SEPSECS: variants seen among roughly 807,000 people sequenced by gnomAD.
SEPSECS encodes the protein Sep (O-phosphoserine) tRNA:Sec (selenocysteine) tRNA synthase, also known as O-phosphoseryl-tRNA(Sec) selenium transferase.
In SEPSECS, 42 loss-of-function variants were observed where a neutral mutation model predicts 52.1. The ratio of observed to expected loss-of-function variants is 0.81; its 90% CI spans 0.63 to 1.04. SEPSECS has a LOEUF of 1.04. Among genes scored for constraint, SEPSECS ranks in the 50% least tolerant of loss-of-function variants. SEPSECS has a pLI of 0.00. For missense variants in SEPSECS, 590 were observed against 610.6 expected, an observed-to-expected ratio of 0.97 and a Z score of 0.36; for synonymous variants, 216 against 211.4, an observed-to-expected ratio of 1.02 and a Z score of -0.19.
At chr4:25,131,590 C>T (rs186735854) in intron 8 of SEPSECS, among the ~76,000 whole-genome samples, 3 of 152,292 alleles carry the variant, frequency 2.0e-5, no homozygotes, top group South Asian at 4.1e-4. Flanking sequence ...GTTGTTAAGG[C>T]CCCATATGTA....
At chr4:25,160,479 G>C (rs554634680), upstream of SEPSECS, 9 of 853,574 alleles carry the variant, frequency 1.1e-5, no homozygotes, top group South Asian at 1.5e-4. Flanking sequence ...AGCGCCTTGG[G>C]ACAAAAAACA....
Position 25,157,013 on chromosome 4 carries a change from C to T in SEPSECS, c.270-39G>A, listed in dbSNP as rs375044442. ...GGGCCAAAAACTGGACAAATACATT[C>T]AGCATTCCGAGTAATACAATGTACA... On this transcript the variant is annotated intron_variant, in intron 2 of 10. Transcript: ENST00000382103. The T allele has an allele frequency of 5.7e-6, 6 of 1,045,406 alleles. No homozygotes were observed. In the African/African-American group the frequency reaches 9.4e-5, roughly 16 times the overall value. The allele number at this position is 1,045,406 out of a possible 1,614,324, so 64.8% of individuals were successfully genotyped here.
chr4:25,148,984 C>T (rs1456628492), intron 6 of SEPSECS, among the ~76,000 whole-genome samples: 1 of 152,160 alleles, frequency 6.6e-6, no homozygotes, highest in East Asian at 1.9e-4. Context: ...AACCACCTCC[C>T]AAATGCAGAG....
intron 1 of SEPSECS, chr4:25,159,556 G>T (rs1047702507): frequency 7.1e-6 from 3 of 422,004 alleles, no homozygotes; most frequent in South Asian, 1.6e-5. Flanking sequence ...CCGATCACTT[G>T]AAGTCAGGAG....
At position 25,144,773 on chromosome 4, in the gene SEPSECS, CCTTT is replaced by C. The variant is rs781277383; in HGVS notation, c.1023_1026del (p.Glu343CysfsTer9). 1.1e-5 allele frequency: 18 copies of C among 1,594,258 alleles called. No homozygotes were observed. Among genetic ancestry groups the C allele is most frequent in the Non-Finnish European group, 1.5e-5 (18 of 1,162,620 alleles). Reference sequence around the variant, plus strand: ...ATTCGACACCTAAAGGGAAAGCTTACCTTTCTTTCTTTTAGTAGCTTCTTATAGC... The same window carrying C: ...ATTCGACACCTAAAGGGAAAGCTTACCTTTCTTTTAGTAGCTTCTTATAGC... On this transcript the variant is annotated frameshift_variant and splice_region_variant, in exon 8 of 11. Coordinates refer to ENST00000382103, the MANE Select transcript of SEPSECS (RefSeq NM_016955.4). LOFTEE classifies it high-confidence loss of function.
chr4:25,131,077 T>A (rs1485258248), intron 8 of SEPSECS, among the ~76,000 whole-genome samples: 1 of 152,188 alleles, frequency 6.6e-6, no homozygotes, highest in African/African-American at 2.4e-5. Flanking sequence ...ATTTCTAGAA[T>A]AAAAATACAA....
chr4:25,156,289 G>A, intron 3 of SEPSECS, 94 bp from the exon 4 acceptor site: 3 of 1,174,424 alleles, frequency 2.6e-6, no homozygotes, highest in African/African-American at 3.1e-5. Context: ...AAAATAGTAA[G>A]AGTCGTAGCC....
In SEPSECS at chr4:25,151,347, T is replaced by C. The variant is rs559589418; in HGVS notation, c.804+613A>G. Among the ~76,000 whole-genome samples, 6 of 152,222 alleles carry C rather than the reference T, an allele frequency of 3.9e-5. No individual in the cohort carries two copies. The East Asian group carries it at 5.8e-4, about 15-fold the overall frequency. Reference sequence around the variant, plus strand: ...AAAAAAAGTAAGGCAGCAAGGGTGGTTGGAGCACAGCAGGCAAAAGGAAAG... The same window carrying C: ...AAAAAAAGTAAGGCAGCAAGGGTGGCTGGAGCACAGCAGGCAAAAGGAAAG... On this transcript the variant is annotated intron_variant, in intron 6 of 10. Coordinates refer to ENST00000382103, the MANE Select transcript of SEPSECS (RefSeq NM_016955.4).
At chr4:25,143,060 G>A (rs1711693445) in intron 8 of SEPSECS, among the ~76,000 whole-genome samples, 1 of 152,154 alleles carries the variant, frequency 6.6e-6, no homozygotes, top group Admixed American at 6.6e-5. Flanking sequence ...GTTGTTATCT[G>A]ACATATGGAT....
In SEPSECS at chr4:25,156,707, CAAAAAAAAAAAAAAAA is replaced by C. The variant is rs34542574; in HGVS notation, c.388+133_388+148del. 3.5e-4 allele frequency: 80 copies of C among 229,664 alleles called. 2 individuals carry two copies. The highest frequency in any genetic ancestry group is 4.7e-4 in the Non-Finnish European group (61 of 128,672). 14.2% of individuals were successfully genotyped at this position (229,664 alleles called of 1,614,324 possible). A position where few individuals can be genotyped will look rare whatever the true frequency, so the allele number is the denominator to read the frequency against. ...TGGGCAACAGAGCTAGACTCCGTCT[CAAAAAAAAAAAAAAAA>C]AAAAAAAAAAAAGAAGTCTTTTCAA... On this transcript the variant is annotated intron_variant, in intron 3 of 10. Coordinates refer to ENST00000382103, the MANE Select transcript of SEPSECS (RefSeq NM_016955.4).
intron 8 of SEPSECS, among the ~76,000 whole-genome samples, chr4:25,136,210 C>G (rs1728835137): frequency 6.6e-6 from 1 of 152,172 alleles, no homozygotes. Context: ...CCAGGCCAAT[C>G]AGGCAAGAGA....
chr4:25,124,214 A>G lies in SEPSECS; in HGVS notation c.1223T>C (p.Leu408Pro). The change falls in exon 11 of 11, where the codon CTT (leucine) becomes CCT (proline). Residue 408 changes from leucine (L) to proline (P), a missense_variant. Physicochemically the swap from Leu to Pro is moderately conservative, Grantham distance 98. Coordinates refer to ENST00000382103, the MANE Select transcript of SEPSECS (RefSeq NM_016955.4). Reference sequence around the variant, plus strand: ...GCCACTCACAGTTTGCATGGACCCAAGAGGCACAACCCTGAAAGAAGAAAG... The same window carrying G: ...GCCACTCACAGTTTGCATGGACCCAGGAGGCACAACCCTGAAAGAAGAAAG... ...RQVSGARVVPLGSMQTVSGYT... is the reference protein window; with the variant it reads ...RQVSGARVVPPGSMQTVSGYT... 1 of 1,613,362 alleles carries G rather than the reference A, an allele frequency of 6.2e-7. No homozygotes were observed. Among genetic ancestry groups the G allele is most frequent in the Non-Finnish European group, 8.5e-7 (1 of 1,179,600 alleles).
intron 8 of SEPSECS, among the ~76,000 whole-genome samples, chr4:25,129,241 GTTAT>G (rs1022681406): frequency 5.3e-5 from 8 of 151,972 alleles, no homozygotes; most frequent in East Asian, 1.9e-4. Context: ...TTTCTCTTTC[GTTAT>G]TTAAAGTATA....
intron 8 of SEPSECS, among the ~76,000 whole-genome samples, chr4:25,132,112 T>C (rs76474284): frequency 6.6e-6 from 1 of 152,266 alleles, no homozygotes; most frequent in East Asian, 1.9e-4. Context: ...CTCTGATCCT[T>C]TCACCCTTCA....
intron 8 of SEPSECS, among the ~76,000 whole-genome samples, chr4:25,135,774 T>G (rs1728818295): frequency 6.6e-6 from 1 of 151,978 alleles, no homozygotes; most frequent in South Asian, 2.1e-4. Context: ...ATATCCCTGA[T>G]GAATATCGAC....
Position 25,159,110 on chromosome 4 carries a change from T to TAAAAAA in SEPSECS, c.115-9_115-4dup. 3.4e-6 allele frequency: 5 copies of TAAAAAA among 1,461,954 alleles called. No homozygotes were observed. The highest frequency in any genetic ancestry group is 1.5e-5 in the African/African-American group (1 of 66,784). 90.6% of individuals were successfully genotyped at this position (1,461,954 alleles called of 1,614,324 possible). On this transcript the variant is annotated splice_region_variant and splice_polypyrimidine_tract_variant and intron_variant, in intron 1 of 10. Coordinates refer to ENST00000382103, the MANE Select transcript of SEPSECS (RefSeq NM_016955.4). The stretch of plus-strand genomic sequence containing the variant: ...CAGCCATTCTCTGGACACTTGCCCT[T>TAAAAAA]AAAAAAAAAAAAAAACTTATGATTA...
intron 8 of SEPSECS, among the ~76,000 whole-genome samples, chr4:25,139,146 A>G (rs901577651): frequency 6.6e-6 from 1 of 152,166 alleles, no homozygotes; most frequent in African/African-American, 2.4e-5. Context: ...CGTTCCTTTC[A>G]TAATTCTCAT....
Position 25,121,664 on chromosome 4 carries a change from T to A in SEPSECS, c.*2267A>T, listed in dbSNP as rs1253454571. ...CTCTTGTGAATTCTATGCCCTCAAA[T>A]TTTAAGCCAGGAGGAATAGAGCTAG... On this transcript the variant is annotated 3_prime_UTR_variant, in exon 11 of 11. Transcript: ENST00000382103. The A allele has an allele frequency of 6.6e-6, 1 of 152,144 alleles. No individual in the cohort carries two copies. Among genetic ancestry groups the A allele is most frequent in the African/African-American group, 2.4e-5 (1 of 41,450 alleles). The allele number at this position is 152,144 out of a possible 1,614,324, so 9.4% of individuals were successfully genotyped here.
intron 8 of SEPSECS, among the ~76,000 whole-genome samples, chr4:25,134,396 T>C (rs1034347040): frequency 1.3e-5 from 2 of 151,768 alleles, no homozygotes; most frequent in African/African-American, 4.8e-5. Flanking sequence ...AGACACTTAT[T>C]CTATATAAAA....
Sources: allele counts gnomAD v4.1 joint callset (sites outside exome capture counted in the v4.1 genomes callset), GRCh38; gene constraint gnomAD v4.1.1; transcripts MANE v1.5; gene names NCBI Gene and HGNC (gene_info 2026-07-23, HGNC 2026-07-21).